ABL2: variants seen among roughly 807,000 people sequenced by gnomAD.
The protein encoded by ABL2 is tyrosine-protein kinase ABL2.
A neutral mutation model predicts 107.7 loss-of-function variants in ABL2; 49 were observed. That is an observed-to-expected ratio of 0.45 (90% CI 0.36 to 0.58). The LOEUF is 0.58. Among genes scored for constraint, ABL2 ranks in the 20% least tolerant of loss-of-function variants. The pLI, the probability that ABL2 is intolerant of heterozygous loss-of-function variation, is 0.00. For missense variants in ABL2, 1,245 were observed against 1,457.0 expected (o/e 0.85, Z 2.37); for synonymous variants, 549 against 548.6 (o/e 1.00, Z -0.01).
At chr1:179,192,562 T>G (rs897616270) in intron 1 of ABL2, among the ~76,000 whole-genome samples, 20 of 152,168 alleles carry the variant, frequency 1.3e-4, no homozygotes, top group Non-Finnish European at 2.8e-4. Flanking sequence ...ATTCACCCAT[T>G]TGTTGTACCT....
At chr1:179,179,076 A>G (rs1341021954) in intron 1 of ABL2, among the ~76,000 whole-genome samples, 1 of 152,246 alleles carries the variant, frequency 6.6e-6, no homozygotes, top group Non-Finnish European at 1.5e-5. Flanking sequence ...ACACAACTAC[A>G]TTAACAACAG....
At chr1:179,214,073 A>G (rs113764389) in intron 1 of ABL2, among the ~76,000 whole-genome samples, 62 of 152,358 alleles carry the variant, frequency 4.1e-4, no homozygotes, top group African/African-American at 1.4e-3. Context: ...AAGGCTTCCT[A>G]TACATTAGCA....
At chr1:179,214,943 T>C (rs924403714) in intron 1 of ABL2, among the ~76,000 whole-genome samples, 1 of 152,130 alleles carries the variant, frequency 6.6e-6, no homozygotes, top group Non-Finnish European at 1.5e-5. Flanking sequence ...ACAGATTGCC[T>C]GAGGTCAGGA....
rs1459586012 is a variant in ABL2 at position 179,221,861 on chromosome 1, G to T, written c.157+7380C>A. ...AAGGTGTTTCCTCCCTACTGCAGTG[G>T]GTTGGGTTATACAATGCCCAAAGAT... is the stretch of plus-strand genomic sequence containing the variant. On this transcript the variant is annotated intron_variant, in intron 1 of 11. Coordinates refer to ENST00000502732, the MANE Select transcript of ABL2 (RefSeq NM_007314.4). 3.4e-5 allele frequency: 8 copies of T among 232,698 alleles called. No individual in the cohort carries two copies. In the East Asian group the frequency reaches 8.6e-4, roughly 25 times the overall value. The allele number at this position is 232,698 out of a possible 1,614,324, so 14.4% of individuals were successfully genotyped here. A position where few individuals can be genotyped will look rare whatever the true frequency, so the allele number is the denominator to read the frequency against.
At chr1:179,200,487 GT>G (rs1034411166) in intron 1 of ABL2, among the ~76,000 whole-genome samples, 1 of 152,178 alleles carries the variant, frequency 6.6e-6, no homozygotes, top group Middle Eastern at 3.2e-3. Context: ...TTAAACAGAA[GT>G]TTTTCAGTCA....
At chr1:179,111,606 C>T (rs1654087634) in intron 10 of ABL2, among the ~76,000 whole-genome samples, 1 of 152,014 alleles carries the variant, frequency 6.6e-6, no homozygotes, top group African/African-American at 2.4e-5. Context: ...TAATTTTAGC[C>T]TTTTTGGTAG....
chr1:179,142,635 TC>T (rs1157560675), intron 1 of ABL2, among the ~76,000 whole-genome samples: 1 of 152,208 alleles, frequency 6.6e-6, no homozygotes, highest in Non-Finnish European at 1.5e-5. Flanking sequence ...TTTAATAACT[TC>T]TTTTAAAAAT....
rs28913883 is a variant in ABL2, at chr1:179,111,912, G to A, written c.1651+397C>T. 1.5e-3 allele frequency among the ~76,000 whole-genome samples: 233 copies of A among 152,154 alleles called. 6 individuals are homozygous for A. The East Asian group carries it at 0.039, about 26-fold the overall frequency. ...TAACAAAAATTAGCCAGGTGTGGTA[G>A]CAGGTGCCTGCAATCCCAGCTACTC... On this transcript the variant is annotated intron_variant, in intron 10 of 11. Coordinates refer to ENST00000502732, the MANE Select transcript of ABL2 (RefSeq NM_007314.4).
rs1283690574 is a variant in ABL2, at chr1:179,107,235, T to G, written c.*483A>C. ...TGTGGAAGCAAGGCTAACAGCTACT[T>G]CCAACAGCCCTGAACAAAAATTTCT... is the stretch of plus-strand genomic sequence containing the variant. On this transcript the variant is annotated 3_prime_UTR_variant, in exon 12 of 12. Coordinates refer to ENST00000502732, the MANE Select transcript of ABL2 (RefSeq NM_007314.4). 1.7e-5 allele frequency: 4 copies of G among 235,374 alleles called. No individual in the cohort carries two copies. The highest frequency in any genetic ancestry group is 6.6e-5 in the African/African-American group (3 of 45,284). The allele number at this position is 235,374 out of a possible 1,614,324, so 14.6% of individuals were successfully genotyped here. A position where few individuals can be genotyped will look rare whatever the true frequency, so the allele number is the denominator to read the frequency against.
At chr1:179,157,505 A>C (rs980186124) in intron 1 of ABL2, among the ~76,000 whole-genome samples, 8 of 152,064 alleles carry the variant, frequency 5.3e-5, no homozygotes, top group South Asian at 2.1e-4. Context: ...AAAAAAAAAA[A>C]AACTTAGGAA....
chr1:179,226,973 G>A (rs1048349565), intron 1 of ABL2, among the ~76,000 whole-genome samples: 5 of 151,952 alleles, frequency 3.3e-5, no homozygotes, highest in African/African-American at 1.2e-4. Context: ...CATAACAGGT[G>A]CTCAAAAAAA....
rs991057455 is a variant in ABL2 at position 179,122,298 on chromosome 1, A to T, written c.688-431T>A. On this transcript the variant is annotated intron_variant, in intron 4 of 11. Transcript: ENST00000502732. ...CTTTAAAAAAAAAAAAAAAAAAAAA[A>T]ATATTCTGCAGACAGGGTCTCACTA... Among the ~76,000 whole-genome samples, 1,111 of 144,632 alleles carry T rather than the reference A, an allele frequency of 7.7e-3. 12 individuals carry two copies. The highest frequency in any genetic ancestry group is 0.026 in the African/African-American group (1,037 of 39,480). The allele number at this position is 144,632 out of a possible 152,430, so 94.9% of individuals were successfully genotyped here. A position where few individuals can be genotyped will look rare whatever the true frequency, so the allele number is the denominator to read the frequency against.
chr1:179,199,852 C>T (rs1661561940), intron 1 of ABL2, among the ~76,000 whole-genome samples: 4 of 151,142 alleles, frequency 2.6e-5, no homozygotes, highest in Non-Finnish European at 5.9e-5. Context: ...CTCACCTCAG[C>T]CTCCCGAGCA....
At chr1:179,109,544 G>T (rs767760223) in intron 11 of ABL2, 103 bp from the exon 12 acceptor site, 2 of 1,491,594 alleles carry the variant, frequency 1.3e-6, no homozygotes, top group Non-Finnish European at 8.9e-7. Flanking sequence ...TTTATCAAAG[G>T]TCAGGTGTTG....
intron 1 of ABL2, among the ~76,000 whole-genome samples, chr1:179,179,637 T>C (rs1297487489): frequency 1.3e-5 from 2 of 152,086 alleles, no homozygotes; most frequent in Non-Finnish European, 2.9e-5. Flanking sequence ...TTTGGTATCA[T>C]AGAGCAAGAG....
chr1:179,129,419 C>T (rs1302613995), intron 3 of ABL2, among the ~76,000 whole-genome samples: 2 of 152,210 alleles, frequency 1.3e-5, no homozygotes, highest in African/African-American at 4.8e-5. Flanking sequence ...CGTGGTGGCT[C>T]ACGCCTGTAA....
chr1:179,225,596 C>A (rs1663144423), intron 1 of ABL2, among the ~76,000 whole-genome samples: 1 of 152,124 alleles, frequency 6.6e-6, no homozygotes, highest in Non-Finnish European at 1.5e-5. Context: ...TGTCTGGAGG[C>A]ATTTTTATAA....
chr1:179,204,770 C>A (rs540335917), intron 1 of ABL2, among the ~76,000 whole-genome samples: 53 of 151,880 alleles, frequency 3.5e-4, no homozygotes, highest in East Asian at 2.7e-3. Flanking sequence ...AACACACACA[C>A]AAAAAAACTA....
intron 3 of ABL2, among the ~76,000 whole-genome samples, chr1:179,129,486 T>A (rs1656067944): frequency 2.0e-5 from 3 of 152,122 alleles, no homozygotes; most frequent in African/African-American, 7.2e-5. Flanking sequence ...TTCGAGGCCA[T>A]CCTGACCAAC....
Sources: allele counts gnomAD v4.1 joint callset (sites outside exome capture counted in the v4.1 genomes callset), GRCh38; gene constraint gnomAD v4.1.1; transcripts MANE v1.5; gene names NCBI Gene and HGNC (gene_info 2026-07-23, HGNC 2026-07-21).